The following LILRA6 variants were observed in gnomAD, a reference collection of about 807,000 sequenced individuals.
The protein encoded by LILRA6 is leukocyte immunoglobulin like receptor A6.
Under a neutral mutation model 53.9 loss-of-function variants are expected in LILRA6, and 16 were observed. That is an observed-to-expected ratio of 0.30 (90% CI 0.20 to 0.45). LILRA6 has a LOEUF of 0.45. Ranked by LOEUF, LILRA6 falls within the 20% of genes least tolerant of loss-of-function variation. LILRA6 has a pLI of 1.00. For missense variants in LILRA6, 306 were observed against 618.6 expected (o/e 0.49, Z 5.36); for synonymous variants, 135 against 256.4 (o/e 0.53, Z 4.52).
exon 8 of LILRA6, chr19:54,238,681 A>G (rs2078668002): frequency 4.5e-6 from 2 of 447,094 alleles, no homozygotes; most frequent in East Asian, 9.7e-5. Flanking sequence ...GGCCTCCAAG[A>G]GGCAAGGATC....
At chr19:54,238,738 C>T in exon 8 of LILRA6, 1 of 814,452 alleles carries the variant, frequency 1.2e-6, no homozygotes, top group East Asian at 3.1e-5. Context: ...CCCATGAGCT[C>T]TTTTCCGTGG....
At chr19:54,238,023 T>TC (rs1278462098), downstream of LILRA6, 3 of 149,334 alleles carry the variant, frequency 2.0e-5, no homozygotes, top group Non-Finnish European at 4.4e-5. Flanking sequence ...TCTTCTTTTT[T>TC]TTTTTCTTTT....
chr19:54,240,503 C>T (rs748970570), exon 6 of LILRA6: 3 of 1,604,210 alleles, frequency 1.9e-6, no homozygotes, highest in East Asian at 2.2e-5. Flanking sequence ...ACTGACACAG[C>T]AGGGTCACGT....
intron 7 of LILRA6, 140 bp downstream of exon 7, chr19:54,239,760 TG>T: frequency 6.8e-7 from 1 of 1,464,958 alleles, no homozygotes; most frequent in Admixed American, 2.1e-5. Context: ...CTCTCTGCCT[TG>T]AACCCCCCAC....
intron 5 of LILRA6, 47 bp downstream of exon 5, chr19:54,240,784 G>C: frequency 6.2e-7 from 1 of 1,611,480 alleles, no homozygotes; most frequent in Admixed American, 1.7e-5. Flanking sequence ...CCCCGGCAGG[G>C]CCTGTGCAGA....
chr19:54,237,148 AG>A (rs1283247065), downstream of LILRA6: 1 of 150,936 alleles, frequency 6.6e-6, no homozygotes, highest in African/African-American at 2.5e-5. Context: ...GGATCACCTT[AG>A]GTCAGGAGTT....
Position 54,240,338 on chromosome 19 carries a change from G to A in LILRA6, c.1194C>T (p.Gly398=), listed in dbSNP as rs759316402. Residue 398 remains glycine (G), a synonymous_variant, in exon 6 of 8, where the codon GGC becomes GGT. Coordinates refer to ENST00000396365, the Ensembl canonical transcript of LILRA6. ...GCAGGTGGGGGTTGGAGCTGTATGA[G>A]CCGTAGCACCTGTAGGTCCCCGCGT... 4.1e-5 allele frequency: 65 copies of A among 1,604,052 alleles called. No homozygotes were observed. In the East Asian group the frequency reaches 1.4e-3, roughly 34 times the overall value.
At chr19:54,238,019 T>C (rs2078659529), downstream of LILRA6, 1 of 148,798 alleles carries the variant, frequency 6.7e-6, no homozygotes, top group African/African-American at 2.5e-5. Flanking sequence ...TGTCTCTTCT[T>C]TTTTTTTTTC....
At chr19:54,239,207 G>T (rs2078682700) in intron 7 of LILRA6, 118 bp from the exon 8 acceptor site, 7 of 1,569,166 alleles carry the variant, frequency 4.5e-6, no homozygotes, top group Non-Finnish European at 6.0e-6. Flanking sequence ...GACCCTCTGT[G>T]CCCGCCCCAT....
chr19:54,239,552 CTGAGCATT>C (rs1437166295), intron 7 of LILRA6: 1 of 878,970 alleles, frequency 1.1e-6, no homozygotes, highest in Admixed American at 2.7e-5. Context: ...AGAGCCTGAG[CTGAGCATT>C]TGAGCTCAGA....
chr19:54,239,471 C>T (rs1302757684), intron 7 of LILRA6: 3 of 626,448 alleles, frequency 4.8e-6, no homozygotes, highest in Admixed American at 3.4e-5. Context: ...GAGCCATTTC[C>T]TCCCTCCCAT....
At chr19:54,238,791 A>G (rs1480600754) in exon 8 of LILRA6, 3 of 1,307,288 alleles carry the variant, frequency 2.3e-6, no homozygotes, top group Non-Finnish European at 3.1e-6. Flanking sequence ...AGTAAGGTGG[A>G]GACCCAAAAT....
chr19:54,237,690 G>A (rs997181025), downstream of LILRA6: 32 of 150,794 alleles, frequency 2.1e-4, no homozygotes, highest in African/African-American at 7.4e-4. Context: ...TTTTGAGTTT[G>A]CCTCCCTAGA....
exon 8 of LILRA6, chr19:54,238,762 A>G (rs1345759214): frequency 9.8e-7 from 1 of 1,017,726 alleles, no homozygotes; most frequent in East Asian, 2.8e-5. Flanking sequence ...TCAACTGGGC[A>G]TTCACAACAT....
At chr19:54,238,925 C>A in exon 8 of LILRA6, 1 of 1,607,426 alleles carries the variant, frequency 6.2e-7, no homozygotes, top group Non-Finnish European at 8.5e-7. Flanking sequence ...CTCCACCACG[C>A]TGAAGGGTGC....
chr19:54,239,509 T>A, intron 7 of LILRA6: 1 of 672,946 alleles, frequency 1.5e-6, no homozygotes, highest in Non-Finnish European at 2.4e-6. Flanking sequence ...TTCACTCCCT[T>A]CTTTCCTAGT....
exon 6 of LILRA6, chr19:54,240,531 G>A: frequency 1.2e-6 from 2 of 1,609,656 alleles, no homozygotes; most frequent in South Asian, 1.1e-5. Flanking sequence ...TGAGGCCACT[G>A]TGGGGCCCGG....
At chr19:54,242,730 G>C in exon 1 of LILRA6, 1 of 1,067,872 alleles carries the variant, frequency 9.4e-7, no homozygotes, top group Admixed American at 2.3e-5. Flanking sequence ...AGGCAGAGCA[G>C]GGCTGCGAGG....
downstream of LILRA6, chr19:54,237,283 A>T (rs1323942431): frequency 1.3e-5 from 2 of 150,648 alleles, no homozygotes; most frequent in African/African-American, 5.0e-5. Flanking sequence ...AAACTGCTTG[A>T]ACCCGGGAGG....
Sources: gnomAD v4.1 joint callset for allele counts on GRCh38, gnomAD v4.1.1 for gene constraint, MANE v1.5 for transcripts, NCBI Gene and HGNC (gene_info 2026-07-23, HGNC 2026-07-21) for gene names.